The following GNB1 variants were observed in gnomAD, a reference collection of about 807,000 sequenced individuals.
GNB1 encodes the protein guanine nucleotide-binding protein G(I)/G(S)/G(T) subunit beta-1.
GNB1 carries 2 observed loss-of-function variants against 42.9 expected under a neutral mutation model. That is an observed-to-expected ratio of 0.05 (90% CI 0.02 to 0.15). The LOEUF is 0.15. Ranked by LOEUF, GNB1 falls within the 10% of genes least tolerant of loss-of-function variation. The pLI is 1.00. For missense variants in GNB1, 193 were observed against 462.2 expected (o/e 0.42, Z 5.34); for synonymous variants, 183 against 174.7 (o/e 1.05, Z -0.38).
intron 10 of GNB1, chr1:1,788,746 C>T (rs780442768): frequency 6.5e-6 from 2 of 308,636 alleles, no homozygotes. Context: ...ACTCCTCCCC[C>T]TGAAGCAGAG....
chr1:1,874,447 A>G (rs1649420098), intron 1 of GNB1, among the ~76,000 whole-genome samples: 1 of 151,702 alleles, frequency 6.6e-6, no homozygotes, highest in Non-Finnish European at 1.5e-5. Context: ...CGTCTCTACC[A>G]AAGTACAGAG....
intron 2 of GNB1, among the ~76,000 whole-genome samples, chr1:1,826,952 G>A (rs1013446737): frequency 1.4e-4 from 22 of 152,264 alleles, no homozygotes; most frequent in African/African-American, 5.3e-4. Context: ...AGTTGCTAAT[G>A]TCTTTAATCC....
chr1:1,870,951 T>C (rs538141201), intron 1 of GNB1, among the ~76,000 whole-genome samples: 1 of 151,926 alleles, frequency 6.6e-6, no homozygotes, highest in African/African-American at 2.4e-5. Context: ...TAAAATAAAA[T>C]AAAAACAGAA....
At chr1:1,804,002 AAG>A (rs369291913) in intron 7 of GNB1, among the ~76,000 whole-genome samples, 39,630 of 79,842 alleles carry the variant, frequency 0.5, 14,517 homozygotes, top group East Asian at 0.66. Context: ...AAAAAAAAAA[AAG>A]AAAAAAAGGC....
intron 1 of GNB1, among the ~76,000 whole-genome samples, chr1:1,862,513 C>A (rs530473175): frequency 6.6e-6 from 1 of 151,836 alleles, no homozygotes; most frequent in Non-Finnish European, 1.5e-5. Flanking sequence ...GTTGCCCAGG[C>A]TGGAGCGGCA....
intron 1 of GNB1, among the ~76,000 whole-genome samples, chr1:1,842,914 G>A (rs544150966): frequency 1.3e-5 from 2 of 152,312 alleles, no homozygotes; most frequent in African/African-American, 4.8e-5. Flanking sequence ...GAGCATACCC[G>A]AAAAGTGCCA....
At chr1:1,877,765 CA>C (rs957422329) in intron 1 of GNB1, among the ~76,000 whole-genome samples, 24 of 152,188 alleles carry the variant, frequency 1.6e-4, no homozygotes, top group African/African-American at 5.8e-4. Flanking sequence ...GCAATGGAAA[CA>C]GACTGCCTGT....
intron 2 of GNB1, among the ~76,000 whole-genome samples, chr1:1,835,085 CA>C (rs1441305557): frequency 1.3e-5 from 2 of 152,198 alleles, no homozygotes; most frequent in Non-Finnish European, 2.9e-5. Flanking sequence ...TTTACTGCTG[CA>C]AACTACAATG....
intron 7 of GNB1, among the ~76,000 whole-genome samples, chr1:1,803,574 G>C (rs1243041649): frequency 6.6e-6 from 1 of 152,170 alleles, no homozygotes. Flanking sequence ...GAGCCACCAT[G>C]TCCAGCGCAA....
At chr1:1,876,308 C>T (rs1319298195) in intron 1 of GNB1, among the ~76,000 whole-genome samples, 1 of 151,996 alleles carries the variant, frequency 6.6e-6, no homozygotes, top group Non-Finnish European at 1.5e-5. Flanking sequence ...TGGAGAAGGA[C>T]TTGTTTTTTT....
At chr1:1,819,071 C>A (rs187862769) in intron 3 of GNB1, among the ~76,000 whole-genome samples, 12 of 151,968 alleles carry the variant, frequency 7.9e-5, no homozygotes, top group Admixed American at 2.0e-4. Context: ...GTCTTCATTA[C>A]TAAGGGATCA....
chr1:1,816,666 T>TA (rs1646861471), intron 4 of GNB1, among the ~76,000 whole-genome samples: 1 of 115,520 alleles, frequency 8.7e-6, no homozygotes. Context: ...TTTTTTTTTT[T>TA]AAGATGGAGT....
At chr1:1,861,301 A>C (rs969316854) in intron 1 of GNB1, among the ~76,000 whole-genome samples, 4 of 151,806 alleles carry the variant, frequency 2.6e-5, no homozygotes, top group South Asian at 2.1e-4. Flanking sequence ...CACACACACA[A>C]AAAAATTTTT....
chr1:1,850,483 A>G (rs1647922313), intron 1 of GNB1, among the ~76,000 whole-genome samples: 2 of 151,394 alleles, frequency 1.3e-5, no homozygotes, highest in South Asian at 4.2e-4. Flanking sequence ...TTCATTTTGG[A>G]TTTCTATTGA....
intron 1 of GNB1, among the ~76,000 whole-genome samples, chr1:1,864,398 C>T (rs145155141): frequency 3.3e-5 from 5 of 149,968 alleles, no homozygotes; most frequent in Non-Finnish European, 5.9e-5. Context: ...ATGGCTGTAG[C>T]GTGGCAACTT....
intron 2 of GNB1, among the ~76,000 whole-genome samples, chr1:1,826,967 C>A (rs564557268): frequency 6.6e-6 from 1 of 152,190 alleles, no homozygotes; most frequent in Admixed American, 6.5e-5. Context: ...TAATCCCTTA[C>A]AATTAGCTCT....
chr1:1,843,197 T>C (rs1225503060), intron 1 of GNB1, among the ~76,000 whole-genome samples: 2 of 152,194 alleles, frequency 1.3e-5, no homozygotes, highest in South Asian at 2.1e-4. Flanking sequence ...AAAAAAATTA[T>C]ACATAATCTG....
chr1:1,842,362 A>G (rs1647277431), intron 1 of GNB1, among the ~76,000 whole-genome samples: 1 of 151,196 alleles, frequency 6.6e-6, no homozygotes, highest in South Asian at 2.1e-4. Context: ...CCCAGGAGGT[A>G]GGGCTTGCAG....
intron 1 of GNB1, among the ~76,000 whole-genome samples, chr1:1,845,987 C>G (rs188836807): frequency 7.0e-6 from 1 of 142,174 alleles, no homozygotes; most frequent in East Asian, 2.1e-4. Context: ...CTTCAGGGTT[C>G]CTCTGAGAAA....
Sources: gnomAD v4.1 joint callset for allele counts (sites outside exome capture counted in the v4.1 genomes callset) on GRCh38, gnomAD v4.1.1 for gene constraint, MANE v1.5 for transcripts, NCBI Gene and HGNC (gene_info 2026-07-23, HGNC 2026-07-21) for gene names.